The following ASMT variants were observed in gnomAD, a reference collection of about 807,000 sequenced individuals.
ASMT encodes the protein acetylserotonin N-methyltransferase.
In ASMT, 53 loss-of-function variants were observed where a neutral mutation model predicts 41.3. The ratio of observed to expected loss-of-function variants is 1.28; its 90% confidence interval spans 1.03 to 1.61. The LOEUF (loss-of-function observed/expected upper bound fraction) is 1.61. ASMT is among the 40% of genes most tolerant of loss of function. The pLI is 0.00. For synonymous variants in ASMT, 231 were observed against 184.8 expected, an observed-to-expected ratio of 1.25 and a Z score of -2.03; for missense variants, 531 against 441.3, an observed-to-expected ratio of 1.20 and a Z score of -1.82.
Position 1,623,267 on chromosome X carries a change from C to G in ASMT, c.198C>G (p.Ile66Met), listed in dbSNP as rs1480942899. ...ATGGGACAGAGCTCCTGCTGGACAT[C>G]TGTGTGTCCCTGAAGCTGCTGAAAG... ...SAHGTELLLDICVSLKLLKVE... is the reference protein window; with the variant it reads ...SAHGTELLLDMCVSLKLLKVE... Residue 66 changes from isoleucine (I) to methionine (M), a missense_variant, in exon 2 of 9, where the codon ATC becomes ATG. Physicochemically the swap from Ile to Met is conservative, Grantham distance 10. Transcript: ENST00000381241. The G allele has an allele frequency of 6.2e-7, 1 of 1,613,788 alleles. No homozygotes were observed. The highest frequency in any genetic ancestry group is 8.5e-7 in the Non-Finnish European group (1 of 1,179,882).
rs182483179 is a variant in ASMT, at chrX:1,623,126, C to T, written c.70-13C>T. 21 of 1,612,104 alleles carry T rather than the reference C, an allele frequency of 1.3e-5. No homozygotes were observed. The African/African-American group carries it at 2.3e-4, about 17-fold the overall frequency. On this transcript the variant is annotated splice_polypyrimidine_tract_variant and intron_variant, in intron 1 of 8. Transcript: ENST00000381241. ...GCTGAGCCCTGACCTTTTATTTCCGCTCCTGCTCCAAGGTTCTCTTCGCCG... is the reference window on the plus strand; with the variant it reads ...GCTGAGCCCTGACCTTTTATTTCCGTTCCTGCTCCAAGGTTCTCTTCGCCG...
chrX:1,617,245 G>A lies in ASMT; in HGVS notation c.69+1977G>A, dbSNP rs149884041. On this transcript the variant is annotated intron_variant, in intron 1 of 8. Coordinates refer to ENST00000381241, the MANE Select transcript of ASMT (RefSeq NM_001171038.2). Reference sequence around the variant, plus strand: ...GCACTTTTTGGGGTCCAAGGTGGGCGGATCACTTGAGGTCAGGAGTTCAAG... The same window carrying A: ...GCACTTTTTGGGGTCCAAGGTGGGCAGATCACTTGAGGTCAGGAGTTCAAG... Among the ~76,000 whole-genome samples, 1,260 of 151,748 alleles carry A rather than the reference G, an allele frequency of 8.3e-3. 24 individuals are homozygous for A. Among genetic ancestry groups the A allele is most frequent in the African/African-American group, 0.029 (1,212 of 41,428 alleles).
intron 8 of ASMT, among the ~76,000 whole-genome samples, chrX:1,642,201 T>G (rs2149476343): frequency 6.9e-6 from 1 of 143,886 alleles, no homozygotes; most frequent in South Asian, 2.2e-4. Flanking sequence ...ATAAGGACAG[T>G]GTTCCAGCTC....
chrX:1,616,776 T>C (rs1449503059), intron 1 of ASMT, among the ~76,000 whole-genome samples: 2 of 150,900 alleles, frequency 1.3e-5, no homozygotes, highest in Non-Finnish European at 3.0e-5. Flanking sequence ...TGGCACGATC[T>C]CGGCTCACTG....
rs763318169 is a variant in ASMT at position 1,616,139 on chromosome X, C to A, written c.69+871C>A. 4.0e-5 allele frequency among the ~76,000 whole-genome samples: 6 copies of A among 149,134 alleles called. No individual in the cohort carries two copies. The East Asian group carries it at 1.2e-3, about 29-fold the overall frequency. ...CGCCTCCAGGGTTCAGGCTATTCTC[C>A]TGCTTCAGCCTCCCGAGTATCTGGG... On this transcript the variant is annotated intron_variant, in intron 1 of 8. Coordinates refer to ENST00000381241, the MANE Select transcript of ASMT (RefSeq NM_001171038.2).
intron 3 of ASMT, among the ~76,000 whole-genome samples, chrX:1,626,234 C>CTT (rs34658281): frequency 1.1e-4 from 14 of 127,252 alleles, no homozygotes; most frequent in African/African-American, 1.5e-4. Context: ...TTTTTATTTC[C>CTT]TTTTTTTTTT....
At chrX:1,623,870 A>G (rs1197260358) in intron 2 of ASMT, among the ~76,000 whole-genome samples, 6 of 151,904 alleles carry the variant, frequency 3.9e-5, no homozygotes, top group Non-Finnish European at 8.8e-5. Context: ...GCCGGTCTCG[A>G]GCTCCTGACC....
chrX:1,618,542 T>A (rs1934221064), intron 1 of ASMT, among the ~76,000 whole-genome samples: 1 of 151,934 alleles, frequency 6.6e-6, no homozygotes, highest in African/African-American at 2.4e-5. Context: ...TTGGGCAATC[T>A]GCCTGCCTCA....
At chrX:1,615,827 A>G (rs1934074748) in intron 1 of ASMT, among the ~76,000 whole-genome samples, 1 of 152,014 alleles carries the variant, frequency 6.6e-6, no homozygotes, top group Non-Finnish European at 1.5e-5. Flanking sequence ...AAACAACAAA[A>G]AAAAAGAAAC....
chrX:1,642,572 T>C (rs1935230825), intron 8 of ASMT, among the ~76,000 whole-genome samples: 1 of 151,242 alleles, frequency 6.6e-6, no homozygotes, highest in Admixed American at 6.6e-5. Flanking sequence ...TGATGGTTCA[T>C]GAGGACATGG....
Position 1,615,247 on chromosome X carries a change from C to G in ASMT, c.48C>G (p.Ala16=). The G allele has an allele frequency of 6.3e-7, 1 of 1,596,422 alleles. No homozygotes were observed. Residue 16 remains alanine, a synonymous_variant, in exon 1 of 9, where the codon GCC becomes GCG. Coordinates refer to ENST00000381241, the MANE Select transcript of ASMT (RefSeq NM_001171038.2). The stretch of plus-strand genomic sequence containing the variant: ...CCTATCGCCTCCTTAATGACTACGC[C>G]AACGGCTTCATGGTGTCCCAGGTAG... ...DQAYRLLNDY[A]NGFMVSQVLF...
intron 1 of ASMT, among the ~76,000 whole-genome samples, chrX:1,617,809 T>A (rs1315930161): frequency 6.6e-6 from 1 of 151,682 alleles, no homozygotes; most frequent in East Asian, 2.0e-4. Context: ...GAGATGGGGT[T>A]TCTCTATGTT....
rs1454496000 is a variant in ASMT at position 1,637,216 on chromosome X, CAT to C, written c.910+657_910+658del. On this transcript the variant is annotated intron_variant, in intron 8 of 8. Transcript: ENST00000381241. ...GTGAGGTCCATCCATCCTGATGGCA[CAT>C]GAGGATGTGGACACAGCCTCTGTGT... 1.8e-4 allele frequency among the ~76,000 whole-genome samples: 5 copies of C among 27,828 alleles called. 1 individual carries two copies. Among genetic ancestry groups the C allele is most frequent in the Non-Finnish European group, 2.8e-4 (5 of 17,580 alleles). 18.3% of individuals were successfully genotyped at this position (27,828 alleles called of 152,430 possible). A position where few individuals can be genotyped will look rare whatever the true frequency, so the allele number is the denominator to read the frequency against.
chrX:1,629,806 G>A lies in ASMT; in HGVS notation c.444-15G>A, dbSNP rs778068037. The A allele has an allele frequency of 3.1e-6, 5 of 1,612,760 alleles. No homozygotes were observed. The Admixed American group carries it at 8.3e-5, about 27-fold the overall frequency. On this transcript the variant is annotated splice_polypyrimidine_tract_variant and intron_variant, in intron 4 of 8. Transcript: ENST00000381241. ...AGATCCTCACCATCTTGACAAGCGT[G>A]GTTTTGCATGCCAGGTCCGAGGGCG...
intron 2 of ASMT, among the ~76,000 whole-genome samples, chrX:1,623,575 G>A (rs1307462811): frequency 6.6e-6 from 1 of 152,150 alleles, no homozygotes; most frequent in Non-Finnish European, 1.5e-5. Flanking sequence ...CTCCAGTCTG[G>A]GCGACAGAGC....
chrX:1,631,743 C>T (rs35632161), intron 5 of ASMT, among the ~76,000 whole-genome samples: 39,591 of 150,674 alleles, frequency 0.26, 5,646 homozygotes, highest in Non-Finnish European at 0.34. Flanking sequence ...GGTGAAATCC[C>T]GTCTCTACTA....
At chrX:1,623,395 C>T (rs1395959552) in intron 2 of ASMT, 82 bp downstream of exon 2, 3 of 1,542,614 alleles carry the variant, frequency 1.9e-6, no homozygotes, top group African/African-American at 2.7e-5. Flanking sequence ...GTGAAACAGT[C>T]TCCATCCTGG....
rs542448808 is a variant in ASMT at position 1,627,633 on chromosome X, CGAAATGAAATGAAATGAAATGAAAT to C, written c.375-50_375-26del. On this transcript the variant is annotated intron_variant, in intron 3 of 8. Transcript: ENST00000381241. ...TGAAATGAAATGAAACGAAATGAAA[CGAAATGAAATGAAATGAAATGAAAT>C]GAAATGAAATGAAATGAAAATCAGC... The C allele has an allele frequency of 9.0e-5, 108 of 1,199,548 alleles. No individual in the cohort carries two copies. The African/African-American group carries it at 1.4e-3, about 15-fold the overall frequency. The allele number at this position is 1,199,548 out of a possible 1,614,324, so 74.3% of individuals were successfully genotyped here.
At chrX:1,616,213 G>A (rs1351364091) in intron 1 of ASMT, among the ~76,000 whole-genome samples, 16 of 151,362 alleles carry the variant, frequency 1.1e-4, no homozygotes, top group Non-Finnish European at 1.9e-4. Flanking sequence ...ATTTTTAGTA[G>A]AGATGGGGTT....
Sources: gnomAD v4.1 joint callset for allele counts (sites outside exome capture counted in the v4.1 genomes callset) on GRCh38, gnomAD v4.1.1 for gene constraint, MANE v1.5 for transcripts, NCBI Gene and HGNC (gene_info 2026-07-23, HGNC 2026-07-21) for gene names.